The following NAA15 variants were observed in gnomAD, a reference collection of about 807,000 sequenced individuals.
NAA15 encodes N-terminal acetyltransferase.
In NAA15, 34 loss-of-function variants were observed where a neutral mutation model predicts 114.0. The observed-to-expected ratio is 0.30, with a 90% confidence interval of 0.23 to 0.40. The LOEUF (loss-of-function observed/expected upper bound fraction) is 0.40. Ranked by LOEUF, NAA15 falls within the 10% of genes least tolerant of loss-of-function variation. The probability of loss-of-function intolerance (pLI) is 1.00; values close to 1 mark genes in which losing one functional copy is unlikely to be tolerated. For missense variants in NAA15, 658 were observed against 1,004.5 expected (o/e 0.66, Z 4.66); for synonymous variants, 340 against 338.0 (o/e 1.01, Z -0.06).
chr4:139,339,646 G>T (rs545311407), intron 3 of NAA15, among the ~76,000 whole-genome samples: 73 of 152,302 alleles, frequency 4.8e-4, no homozygotes, highest in African/African-American at 1.7e-3. Context: ...AGCTACTTGG[G>T]AGGCTGAGGC....
At chr4:139,341,437 T>G (rs898129502) in intron 4 of NAA15, among the ~76,000 whole-genome samples, 3 of 150,692 alleles carry the variant, frequency 2.0e-5, no homozygotes, top group Non-Finnish European at 4.4e-5. Context: ...CTACTAAAAA[T>G]ACAAAAAATT....
At chr4:139,370,898 C>G (rs1025719230) in intron 15 of NAA15, among the ~76,000 whole-genome samples, 1 of 152,146 alleles carries the variant, frequency 6.6e-6, no homozygotes, top group African/African-American at 2.4e-5. Context: ...CTCCCATTTA[C>G]CTCTGTTGTC....
intron 5 of NAA15, 101 bp downstream of exon 5, chr4:139,343,061 T>G (rs1014459865): frequency 1.8e-6 from 2 of 1,104,514 alleles, no homozygotes; most frequent in African/African-American, 3.2e-5. Flanking sequence ...AGTTTCAAAC[T>G]TATAGAAAAG....
At chr4:139,310,180 C>T (rs1482012605) in intron 1 of NAA15, among the ~76,000 whole-genome samples, 1 of 152,104 alleles carries the variant, frequency 6.6e-6, no homozygotes, top group East Asian at 1.9e-4. Flanking sequence ...TTGGGCCGGG[C>T]GCGGTGGCTC....
chr4:139,379,916 A>G (rs1190165764), intron 17 of NAA15, among the ~76,000 whole-genome samples: 2 of 152,116 alleles, frequency 1.3e-5, no homozygotes, highest in Non-Finnish European at 2.9e-5. Flanking sequence ...ATGGTGGCAC[A>G]TGCCTGTAGT....
chr4:139,390,141 C>T lies in NAA15; in HGVS notation c.*2057C>T, dbSNP rs1047807334. The T allele has an allele frequency of 2.0e-5, 3 of 152,606 alleles. No individual in the cohort carries two copies. Among genetic ancestry groups the T allele is most frequent in the Non-Finnish European group, 2.9e-5 (2 of 68,038 alleles). The allele number at this position is 152,606 out of a possible 1,614,324, so 9.5% of individuals were successfully genotyped here. On this transcript the variant is annotated 3_prime_UTR_variant, in exon 20 of 20. Coordinates refer to ENST00000296543, the MANE Select transcript of NAA15 (RefSeq NM_057175.5). ...AATGAAATTCATTTATTTGTCTTGA[C>T]AATGTTCAAATGATGTAGATTGTCT... is the stretch of plus-strand genomic sequence containing the variant.
Position 139,384,913 on chromosome 4 carries a change from A to G in NAA15, c.2237A>G (p.Asn746Ser). The change falls in exon 18 of 20, where the codon AAT becomes AGT. Residue 746 changes from asparagine (N) to serine (S), a missense_variant. Physicochemically the swap from Asn to Ser is conservative, Grantham distance 46 (BLOSUM62 1). Transcript: ENST00000296543. ...QEMNRLFGATNPKNFNETFLK... is the reference protein window; with the variant it reads ...QEMNRLFGATSPKNFNETFLK... ...ATGAATCGTCTTTTTGGAGCAACGA[A>G]TCCAAAGAATTTTAATGAAACTTTT... 6.4e-7 allele frequency: 1 copy of G among 1,568,170 alleles called. No homozygotes were observed. The highest frequency in any genetic ancestry group is 1.4e-5 in the African/African-American group (1 of 73,242).
Position 139,389,169 on chromosome 4 carries a change from CTT to C in NAA15, c.*1087_*1088del, listed in dbSNP as rs1172677699. ...TCAGTTGTTTCAGGCAAGCCCAAGA[CTT>C]TGTAATTTTTAAAGGGCCCAAGATT... On this transcript the variant is annotated 3_prime_UTR_variant, in exon 20 of 20. Coordinates refer to ENST00000296543, the MANE Select transcript of NAA15 (RefSeq NM_057175.5). The C allele has an allele frequency of 7.3e-6, 1 of 136,290 alleles. No homozygotes were observed. The highest frequency in any genetic ancestry group is 1.6e-5 in the Non-Finnish European group (1 of 63,668). The allele number at this position is 136,290 out of a possible 1,614,324, so 8.4% of individuals were successfully genotyped here. A position where few individuals can be genotyped will look rare whatever the true frequency, so the allele number is the denominator to read the frequency against.
At chr4:139,306,053 G>A (rs1215051811) in intron 1 of NAA15, among the ~76,000 whole-genome samples, 1 of 152,058 alleles carries the variant, frequency 6.6e-6, no homozygotes, top group African/African-American at 2.4e-5. Context: ...GCTTGATCTA[G>A]TCTAGTTGAT....
chr4:139,355,122 G>A (rs952394501), intron 10 of NAA15, among the ~76,000 whole-genome samples: 14 of 152,060 alleles, frequency 9.2e-5, no homozygotes, highest in South Asian at 4.1e-4. Context: ...CAAGTGATCC[G>A]CCTGCTTCGG....
At chr4:139,327,040 A>G (rs1474880050) in intron 1 of NAA15, among the ~76,000 whole-genome samples, 1 of 152,038 alleles carries the variant, frequency 6.6e-6, no homozygotes, top group African/African-American at 2.4e-5. Flanking sequence ...GGCTCAAGGA[A>G]TCCTCCTGCC....
intron 10 of NAA15, chr4:139,356,447 G>A (rs1048241262): frequency 1.3e-5 from 2 of 152,054 alleles, no homozygotes; most frequent in Non-Finnish European, 2.9e-5. Context: ...TTTTTTCCAT[G>A]ATTTCATTGG....
chr4:139,387,954 A>G lies in NAA15; in HGVS notation c.2471A>G (p.Tyr824Cys). 1.2e-6 allele frequency: 2 copies of G among 1,614,048 alleles called. No homozygotes were observed. Among genetic ancestry groups the G allele is most frequent in the Non-Finnish European group, 1.7e-6 (2 of 1,179,938 alleles). Residue 824 changes from tyrosine (Y) to cysteine (C), a missense_variant, in exon 20 of 20, where the codon TAT becomes TGT. Physicochemically the swap from Tyr to Cys is radical, Grantham distance 194 (BLOSUM62 -2). Transcript: ENST00000296543. ...LGDCKEAAEI[Y>C]RANCHKLFPY... ...GACTGTAAAGAAGCTGCTGAAATTT[A>G]TAGAGCAAATTGTCATAAGCTTTTC...
chr4:139,306,603 T>TTTTG (rs1553991752), intron 1 of NAA15, among the ~76,000 whole-genome samples: 290 of 148,558 alleles, frequency 2.0e-3, no homozygotes, highest in East Asian at 0.012. Context: ...TCTGGTTTTT[T>TTTTG]TTTTGTTTTG....
chr4:139,380,240 G>T (rs1008074775), intron 17 of NAA15, among the ~76,000 whole-genome samples: 1 of 143,464 alleles, frequency 7.0e-6, no homozygotes, highest in African/African-American at 2.7e-5. Flanking sequence ...TTAGTAGTTT[G>T]TTTCTCTTTA....
intron 1 of NAA15, among the ~76,000 whole-genome samples, chr4:139,303,042 GA>G (rs1267572431): frequency 5.9e-5 from 9 of 152,270 alleles, no homozygotes; most frequent in African/African-American, 1.7e-4. Context: ...CAACTCTGGG[GA>G]TTCAGTTTTT....
chr4:139,336,787 T>C, intron 2 of NAA15, 61 bp from the exon 3 acceptor site: 1 of 960,896 alleles, frequency 1.0e-6, no homozygotes, highest in Non-Finnish European at 1.5e-6. Context: ...GTTCTGTTGT[T>C]ATTTATTTTT....
intron 11 of NAA15, among the ~76,000 whole-genome samples, chr4:139,358,119 A>G (rs1277842751): frequency 1.3e-5 from 2 of 152,126 alleles, no homozygotes; most frequent in African/African-American, 4.8e-5. Flanking sequence ...ATAATAAACC[A>G]GTAATTTGTT....
At chr4:139,309,097 C>T (rs1245741925) in intron 1 of NAA15, among the ~76,000 whole-genome samples, 1 of 151,656 alleles carries the variant, frequency 6.6e-6, no homozygotes, top group Non-Finnish European at 1.5e-5. Context: ...CCTGTAATCC[C>T]AGCACTTTGG....
Sources: allele counts gnomAD v4.1 joint callset (sites outside exome capture counted in the v4.1 genomes callset), GRCh38; gene constraint gnomAD v4.1.1; transcripts MANE v1.5; gene names NCBI Gene and HGNC (gene_info 2026-07-23, HGNC 2026-07-21).